Variants in GALNTL6 observed in about 807,000 individuals in gnomAD.
The protein encoded by GALNTL6 is polypeptide N-acetylgalactosaminyltransferase like 6.
Under a neutral mutation model 73.7 loss-of-function variants are expected in GALNTL6, and 46 were observed. The ratio of observed to expected loss-of-function variants is 0.62; its 90% CI spans 0.49 to 0.80. The LOEUF (loss-of-function observed/expected upper bound fraction) is 0.80. GALNTL6 is among the 30% of genes least tolerant of loss of function. The probability of loss-of-function intolerance (pLI) is 0.00; values close to 1 mark genes in which losing one functional copy is unlikely to be tolerated. For missense variants in GALNTL6, 604 were observed against 755.0 expected, an observed-to-expected ratio of 0.80 and a Z score of 2.34; for synonymous variants, 259 against 263.7, an observed-to-expected ratio of 0.98 and a Z score of 0.17.
chr4:172,426,685 G>A (rs889737496), intron 5 of GALNTL6, among the ~76,000 whole-genome samples: 4 of 152,068 alleles, frequency 2.6e-5, no homozygotes, highest in African/African-American at 9.7e-5. Flanking sequence ...AGGGAAGCAT[G>A]GTTTATTTAC....
intron 8 of GALNTL6, among the ~76,000 whole-genome samples, chr4:172,909,959 G>A (rs1227717425): frequency 6.6e-6 from 1 of 151,778 alleles, no homozygotes; most frequent in Non-Finnish European, 1.5e-5. Context: ...TAAAAATAAT[G>A]TAACTTTATT....
intron 5 of GALNTL6, among the ~76,000 whole-genome samples, chr4:172,599,792 T>C (rs1276539501): frequency 6.6e-6 from 1 of 152,052 alleles, no homozygotes; most frequent in Non-Finnish European, 1.5e-5. Context: ...GGGAAAACCT[T>C]CAATGACTTT....
At chr4:172,429,195 A>T (rs12331221) in intron 5 of GALNTL6, among the ~76,000 whole-genome samples, 9,405 of 133,458 alleles carry the variant, frequency 0.07, 646 homozygotes, top group African/African-American at 0.12. Context: ...TTTATTTTAT[A>T]TTATTTTATT....
At chr4:172,012,540 C>G (rs1252503146) in intron 2 of GALNTL6, among the ~76,000 whole-genome samples, 1 of 152,046 alleles carries the variant, frequency 6.6e-6, no homozygotes, top group African/African-American at 2.4e-5. Context: ...TTTAAACTCT[C>G]AATATCATCA....
Position 172,901,427 on chromosome 4 carries a change from A to T in GALNTL6, c.1041+18520A>T, listed in dbSNP as rs115300498. On this transcript the variant is annotated intron_variant, in intron 8 of 12. Transcript: ENST00000506823. ...GGAACATTTTTCATCAATTGTGATT[A>T]ATTTTTACAGTGGAAAGCACTGTAA... Among the ~76,000 whole-genome samples the T allele has an allele frequency of 7.2e-3, 1,101 of 152,312 alleles. 10 individuals are homozygous for T. The highest frequency in any genetic ancestry group is 0.026 in the African/African-American group (1,062 of 41,586).
intron 7 of GALNTL6, among the ~76,000 whole-genome samples, chr4:172,881,069 A>G (rs983436843): frequency 1.3e-5 from 2 of 152,222 alleles, no homozygotes; most frequent in Non-Finnish European, 2.9e-5. Context: ...ATATGTTTGT[A>G]TGACTTGGGA....
chr4:172,209,535 G>GT (rs1214613714), intron 2 of GALNTL6, among the ~76,000 whole-genome samples: 25 of 151,252 alleles, frequency 1.7e-4, no homozygotes, highest in Non-Finnish European at 3.0e-4. Context: ...TTATTGAATC[G>GT]TAACAAGTAC....
chr4:172,888,608 C>T (rs575225419), intron 8 of GALNTL6, among the ~76,000 whole-genome samples: 3 of 152,194 alleles, frequency 2.0e-5, no homozygotes, highest in South Asian at 2.1e-4. Flanking sequence ...TCTGTTCCCA[C>T]GCTCTATGTG....
At chr4:171,819,019 A>T (rs1734611823) in intron 2 of GALNTL6, among the ~76,000 whole-genome samples, 1 of 151,936 alleles carries the variant, frequency 6.6e-6, no homozygotes, top group South Asian at 2.1e-4. Flanking sequence ...TAACATGCTG[A>T]TCACTAAAGC....
At chr4:172,551,028 G>A (rs536069909) in intron 5 of GALNTL6, among the ~76,000 whole-genome samples, 25 of 152,218 alleles carry the variant, frequency 1.6e-4, no homozygotes, top group South Asian at 1.0e-3. Flanking sequence ...AAATCACTTG[G>A]GGATTTGGTT....
At chr4:172,663,821 T>A (rs143682776) in intron 5 of GALNTL6, among the ~76,000 whole-genome samples, 2,813 of 151,732 alleles carry the variant, frequency 0.019, 79 homozygotes, top group African/African-American at 0.064. Context: ...TCCCAGCTAC[T>A]CGGGAGGCTG....
At chr4:172,877,536 CTT>C (rs1745252487) in intron 7 of GALNTL6, among the ~76,000 whole-genome samples, 1 of 151,866 alleles carries the variant, frequency 6.6e-6, no homozygotes, top group Non-Finnish European at 1.5e-5. Flanking sequence ...TTTTAGTACA[CTT>C]TACCTTATAG....
chr4:172,899,970 C>T (rs182053283), intron 8 of GALNTL6, among the ~76,000 whole-genome samples: 194 of 152,214 alleles, frequency 1.3e-3, no homozygotes, highest in African/African-American at 4.4e-3. Flanking sequence ...AGCTTCCTTA[C>T]GGCAACTTGT....
intron 7 of GALNTL6, among the ~76,000 whole-genome samples, chr4:172,871,909 G>A (rs936517541): frequency 1.3e-5 from 2 of 151,892 alleles, no homozygotes; most frequent in Non-Finnish European, 1.5e-5. Context: ...TCAGCCTCCC[G>A]ATTAGCTCCG....
intron 3 of GALNTL6, among the ~76,000 whole-genome samples, chr4:172,292,613 A>G (rs1233801599): frequency 6.6e-6 from 1 of 152,146 alleles, no homozygotes; most frequent in Admixed American, 6.6e-5. Flanking sequence ...TTTCTAAGTC[A>G]TACAGCTGAT....
At chr4:172,156,539 T>A (rs1186234095) in intron 2 of GALNTL6, among the ~76,000 whole-genome samples, 1 of 47,716 alleles carries the variant, frequency 2.1e-5, no homozygotes, top group Admixed American at 2.6e-4. Context: ...CATATATATA[T>A]AATATATATA....
chr4:172,359,886 T>G (rs2111236909), intron 5 of GALNTL6, among the ~76,000 whole-genome samples: 1 of 152,316 alleles, frequency 6.6e-6, no homozygotes, highest in East Asian at 1.9e-4. Context: ...GAACCCAGGC[T>G]GAGTCCAAAA....
At chr4:171,986,938 C>T (rs910315476) in intron 2 of GALNTL6, among the ~76,000 whole-genome samples, 1 of 152,128 alleles carries the variant, frequency 6.6e-6, no homozygotes, top group African/African-American at 2.4e-5. Context: ...CTTGCAGAAA[C>T]AGTGTAAACC....
intron 3 of GALNTL6, among the ~76,000 whole-genome samples, chr4:172,241,798 G>A (rs983606218): frequency 5.9e-5 from 9 of 152,116 alleles, no homozygotes; most frequent in African/African-American, 2.2e-4. Flanking sequence ...TATTTTCTAT[G>A]TGTAATACCA....
Sources: gnomAD v4.1 joint callset for allele counts (sites outside exome capture counted in the v4.1 genomes callset) on GRCh38, gnomAD v4.1.1 for gene constraint, MANE v1.5 for transcripts, NCBI Gene and HGNC (gene_info 2026-07-23, HGNC 2026-07-21) for gene names.